The following EDARADD variants were observed in gnomAD, a reference collection of about 807,000 sequenced individuals.
EDARADD encodes EDAR associated via death domain, also known as ectodysplasin-A receptor-associated adapter protein.
EDARADD carries 20 observed loss-of-function variants against 25.6 expected under a neutral mutation model. That is an observed-to-expected ratio of 0.78 (90% confidence interval 0.55 to 1.14). The LOEUF (loss-of-function observed/expected upper bound fraction) is 1.14. Among genes scored for constraint, EDARADD ranks in the 50% most tolerant of loss-of-function variants. EDARADD has a pLI of 0.00. For missense variants in EDARADD, 225 were observed against 270.1 expected (o/e 0.83, Z 1.17); for synonymous variants, 86 against 94.4 (o/e 0.91, Z 0.52).
intron 4 of EDARADD, among the ~76,000 whole-genome samples, chr1:236,441,568 G>T (rs1379787760): frequency 6.7e-6 from 1 of 148,564 alleles, no homozygotes; most frequent in African/African-American, 2.5e-5. Context: ...CTATTGACCA[G>T]GCTGGAGTGC....
At chr1:236,407,264 G>C (rs532516152) in intron 1 of EDARADD, among the ~76,000 whole-genome samples, 12 of 152,256 alleles carry the variant, frequency 7.9e-5, no homozygotes, top group African/African-American at 2.9e-4. Context: ...CGGTCCCCGG[G>C]GGTTAGGCTG....
chr1:236,356,810 G>T (rs1247153936), intron 3 of EDARADD, among the ~76,000 whole-genome samples: 2 of 152,144 alleles, frequency 1.3e-5, no homozygotes, highest in Non-Finnish European at 2.9e-5. Flanking sequence ...GAGGCCAGGG[G>T]TGGTGGCTCA....
intron 3 of EDARADD, among the ~76,000 whole-genome samples, chr1:236,425,644 A>T (rs183584340): frequency 9.7e-4 from 147 of 152,238 alleles, no homozygotes; most frequent in African/African-American, 3.4e-3. Flanking sequence ...GGTTAGGGGG[A>T]TGTGCTACCA....
At chr1:236,373,007 C>A (rs1436388189) in intron 3 of EDARADD, among the ~76,000 whole-genome samples, 10 of 149,750 alleles carry the variant, frequency 6.7e-5, no homozygotes, top group African/African-American at 2.5e-4. Context: ...GCTCCGCCTC[C>A]CGGGTTCATG....
At chr1:236,399,172 T>C (rs1470604954) in intron 1 of EDARADD, among the ~76,000 whole-genome samples, 3 of 152,090 alleles carry the variant, frequency 2.0e-5, no homozygotes, top group African/African-American at 7.2e-5. Context: ...TATGAGTTAA[T>C]TGTATTTATT....
At chr1:236,444,616 T>C (rs950567646) in intron 4 of EDARADD, among the ~76,000 whole-genome samples, 2 of 152,154 alleles carry the variant, frequency 1.3e-5, no homozygotes, top group Non-Finnish European at 2.9e-5. Flanking sequence ...GAGACGGGGT[T>C]TCGCCCTGTT....
chr1:236,417,052 T>C (rs1289627952), intron 3 of EDARADD, among the ~76,000 whole-genome samples: 1 of 152,114 alleles, frequency 6.6e-6, no homozygotes, highest in Non-Finnish European at 1.5e-5. Flanking sequence ...AGGTTGAGGC[T>C]GCAGTGAGGC....
intron 4 of EDARADD, among the ~76,000 whole-genome samples, chr1:236,466,076 T>C (rs2103034375): frequency 6.6e-6 from 1 of 152,312 alleles, no homozygotes; most frequent in South Asian, 2.1e-4. Context: ...GAACCTCAAA[T>C]ACCACAAAAT....
chr1:236,457,832 A>AT (rs1197975474), intron 4 of EDARADD, among the ~76,000 whole-genome samples: 78 of 148,886 alleles, frequency 5.2e-4, no homozygotes, highest in African/African-American at 1.1e-3. Context: ...CCAAAAAAAA[A>AT]AAAAAAAAAA....
intron 3 of EDARADD, among the ~76,000 whole-genome samples, chr1:236,361,847 A>G (rs1283355214): frequency 6.6e-6 from 1 of 151,792 alleles, no homozygotes; most frequent in African/African-American, 2.4e-5. Context: ...GTTTGGGGCT[A>G]TTACAAATAC....
chr1:236,482,492 C>A lies in EDARADD; in HGVS notation c.491C>A (p.Thr164Asn), dbSNP rs1659706415. Reference sequence around the variant, plus strand: ...CTGGAGCAGAGGCCACAGAGCCCCACCTTGGAGTTCTTGCTCCGGAACAGT... The same window carrying A: ...CTGGAGCAGAGGCCACAGAGCCCCAACTTGGAGTTCTTGCTCCGGAACAGT... Reference protein sequence around the residue: ...CFLEQRPQSPTLEFLLRNSQR... With the variant: ...CFLEQRPQSPNLEFLLRNSQR... The change falls in exon 6 of 6, where the codon ACC (threonine) becomes AAC (asparagine). Residue 164 changes from threonine to asparagine, a missense_variant. Physicochemically the swap from Thr to Asn is moderately conservative, Grantham distance 65. Transcript: ENST00000334232. 1.2e-6 allele frequency: 2 copies of A among 1,613,426 alleles called. No homozygotes were observed. Among genetic ancestry groups the A allele is most frequent in the Non-Finnish European group, 1.7e-6 (2 of 1,179,626 alleles).
intron 3 of EDARADD, among the ~76,000 whole-genome samples, chr1:236,363,708 A>T (rs1667080668): frequency 6.6e-6 from 1 of 152,064 alleles, no homozygotes; most frequent in African/African-American, 2.4e-5. Context: ...AATAATTTTT[A>T]AAAAGAAGTA....
At chr1:236,429,645 A>C (rs543648880) in intron 4 of EDARADD, among the ~76,000 whole-genome samples, 3 of 151,778 alleles carry the variant, frequency 2.0e-5, no homozygotes, top group Non-Finnish European at 4.4e-5. Flanking sequence ...TAGGCCTCCC[A>C]AAGTGCTGGT....
rs920460742 is a variant in EDARADD at position 236,377,435 on chromosome 1, C to T, written c.-6+26596C>T. On this transcript the variant is annotated intron_variant, in intron 3 of 7. Transcript: ENST00000439430. ...CCTCCCAAAGTGCTGGGATTACAGG[C>T]GTGAGCCACCACGCCCAGCCCAGCC... Among the ~76,000 whole-genome samples the T allele has an allele frequency of 4.7e-5, 7 of 149,688 alleles. No individual in the cohort carries two copies. The East Asian group carries it at 6.1e-4, about 13-fold the overall frequency.
At chr1:236,382,759 A>C (rs1204367145) in intron 3 of EDARADD, among the ~76,000 whole-genome samples, 1 of 152,144 alleles carries the variant, frequency 6.6e-6, no homozygotes, top group African/African-American at 2.4e-5. Context: ...AATGCTCATG[A>C]ATTATAAGGT....
intron 3 of EDARADD, among the ~76,000 whole-genome samples, chr1:236,363,918 C>A (rs1667083114): frequency 6.6e-6 from 1 of 152,046 alleles, no homozygotes; most frequent in Non-Finnish European, 1.5e-5. Context: ...GCAATCCCAG[C>A]ACTTCGGGAG....
intron 4 of EDARADD, among the ~76,000 whole-genome samples, chr1:236,467,867 C>G (rs1659258077): frequency 2.0e-5 from 3 of 152,046 alleles, no homozygotes; most frequent in Admixed American, 2.0e-4. Flanking sequence ...AAGCAATCTT[C>G]CCATCTCAGC....
intron 4 of EDARADD, among the ~76,000 whole-genome samples, chr1:236,447,208 CT>C (rs1264027786): frequency 2.8e-5 from 1 of 35,930 alleles, no homozygotes; most frequent in African/African-American, 7.9e-5. Context: ...TTCTTTCTTT[CT>C]TTCTTTCTTT....
At chr1:236,456,696 C>T (rs1319013173) in intron 4 of EDARADD, among the ~76,000 whole-genome samples, 1 of 145,518 alleles carries the variant, frequency 6.9e-6, no homozygotes, top group Admixed American at 6.9e-5. Flanking sequence ...CCCTCTCTGA[C>T]CCTCTTTTCT....
Sources: gnomAD v4.1 joint callset for allele counts (sites outside exome capture counted in the v4.1 genomes callset) on GRCh38, gnomAD v4.1.1 for gene constraint, MANE v1.5 for transcripts, NCBI Gene and HGNC (gene_info 2026-07-23, HGNC 2026-07-21) for gene names.